TSPAN5: variants seen among roughly 807,000 people sequenced by gnomAD.
TSPAN5 encodes the protein tetraspanin-5.
TSPAN5 carries 10 observed loss-of-function variants against 37.1 expected under a neutral mutation model. The ratio of observed to expected loss-of-function variants is 0.27; its 90% CI spans 0.17 to 0.46. TSPAN5 has a LOEUF of 0.46. TSPAN5 is among the 20% of genes least tolerant of loss of function. TSPAN5 has a pLI of 1.00. For missense variants in TSPAN5, 195 were observed against 326.6 expected (o/e 0.60, Z 3.11); for synonymous variants, 110 against 118.9 (o/e 0.93, Z 0.48).
intron 2 of TSPAN5, among the ~76,000 whole-genome samples, chr4:98,499,747 G>A (rs1434263108): frequency 5.8e-5 from 8 of 138,802 alleles, no homozygotes; most frequent in Non-Finnish European, 6.0e-5. Flanking sequence ...TGCAAGCTCC[G>A]CCTCCTGGGT....
chr4:98,476,590 T>C, intron 5 of TSPAN5, 130 bp from the exon 6 acceptor site: 1 of 765,458 alleles, frequency 1.3e-6, no homozygotes, highest in South Asian at 1.6e-5. Context: ...TGCAGCACTA[T>C]GTTAAACACT....
At chr4:98,510,653 A>G (rs1753583308) in intron 1 of TSPAN5, among the ~76,000 whole-genome samples, 1 of 152,208 alleles carries the variant, frequency 6.6e-6, no homozygotes, top group Admixed American at 6.5e-5. Flanking sequence ...AAAAGTAGGG[A>G]TTTAAAGAAG....
intron 1 of TSPAN5, among the ~76,000 whole-genome samples, chr4:98,653,048 C>T (rs144370251): frequency 4.0e-4 from 61 of 152,302 alleles, no homozygotes; most frequent in African/African-American, 1.3e-3. Context: ...CCATATGACA[C>T]TTTCATAACC....
intron 4 of TSPAN5, among the ~76,000 whole-genome samples, chr4:98,479,512 A>C (rs1266766787): frequency 1.3e-5 from 2 of 152,184 alleles, no homozygotes; most frequent in East Asian, 3.8e-4. Context: ...CTATCCCAGA[A>C]AAGCAGATGT....
At chr4:98,550,202 G>T (rs373726760) in intron 1 of TSPAN5, among the ~76,000 whole-genome samples, 1 of 152,200 alleles carries the variant, frequency 6.6e-6, no homozygotes, top group East Asian at 1.9e-4. Context: ...TAGATATGTG[G>T]CTTTATTTTT....
At chr4:98,587,247 G>A (rs899451179) in intron 1 of TSPAN5, among the ~76,000 whole-genome samples, 5 of 152,222 alleles carry the variant, frequency 3.3e-5, no homozygotes, top group African/African-American at 9.6e-5. Context: ...AGCACTGTGT[G>A]TGCCAGTGAT....
chr4:98,486,768 C>T lies in TSPAN5; in HGVS notation c.249G>A (p.Ala83=), dbSNP rs200338966. The T allele has an allele frequency of 9.3e-6, 15 of 1,613,940 alleles. No individual in the cohort carries two copies. The highest frequency in any genetic ancestry group is 4.0e-5 in the African/African-American group (3 of 74,964). ...TGAGAAGGAAAGTGTTTTCCCGTAG[C>T]GCTCCAATGCACCCTGCAAATCCCA... is the stretch of plus-strand genomic sequence containing the variant. The part of the protein sequence containing the change: ...FILGFAGCIG[A]LRENTFLLKF... The change falls in exon 3 of 8, where the codon GCG becomes GCA. Residue 83 remains alanine, a synonymous_variant. Coordinates refer to ENST00000305798, the MANE Select transcript of TSPAN5 (RefSeq NM_005723.4).
rs905354311 is a variant in TSPAN5, at chr4:98,514,510, C to T, written c.82-6782G>A. On this transcript the variant is annotated intron_variant, in intron 1 of 7. Transcript: ENST00000305798. The stretch of plus-strand genomic sequence containing the variant: ...GTCAATCCCAGTTTTCCCATTGGGT[C>T]CCCGTGTCCCAGTTTGTACATTCAA... Among the ~76,000 whole-genome samples, 4 of 152,138 alleles carry T rather than the reference C, an allele frequency of 2.6e-5. No homozygotes were observed. The East Asian group carries it at 5.8e-4, about 22-fold the overall frequency.
intron 1 of TSPAN5, among the ~76,000 whole-genome samples, chr4:98,529,287 G>C (rs1270369836): frequency 1.3e-5 from 2 of 152,220 alleles, no homozygotes; most frequent in Admixed American, 1.3e-4. Flanking sequence ...ACTAAAGCAT[G>C]TGCCCTCGAA....
At chr4:98,580,366 C>T (rs192695372) in intron 1 of TSPAN5, among the ~76,000 whole-genome samples, 9 of 152,262 alleles carry the variant, frequency 5.9e-5, no homozygotes, top group African/African-American at 1.9e-4. Flanking sequence ...TCTATCCCAG[C>T]GAGGCAAGTT....
chr4:98,571,332 G>T (rs924440908), intron 1 of TSPAN5, among the ~76,000 whole-genome samples: 17 of 152,088 alleles, frequency 1.1e-4, no homozygotes, highest in Non-Finnish European at 2.5e-4. Flanking sequence ...CTGCTGGCGG[G>T]GAGGAGGGAG....
intron 1 of TSPAN5, among the ~76,000 whole-genome samples, chr4:98,514,196 C>T (rs1045276787): frequency 6.6e-5 from 10 of 152,232 alleles, no homozygotes; most frequent in African/African-American, 2.4e-4. Context: ...AGGAGAAATG[C>T]ATTTAAAAAT....
intron 1 of TSPAN5, among the ~76,000 whole-genome samples, chr4:98,535,836 C>T (rs958729476): frequency 6.6e-6 from 1 of 152,114 alleles, no homozygotes; most frequent in Admixed American, 6.5e-5. Flanking sequence ...GCTGTTGATA[C>T]TTGTATATGC....
intron 1 of TSPAN5, among the ~76,000 whole-genome samples, chr4:98,521,845 G>GT (rs70955934): frequency 0.4 from 60,634 of 151,650 alleles, 12,481 homozygotes; most frequent in South Asian, 0.54. Flanking sequence ...TGTGGGTTCT[G>GT]TTTTTTTTGT....
intron 1 of TSPAN5, among the ~76,000 whole-genome samples, chr4:98,609,800 C>T (rs902176568): frequency 6.6e-6 from 1 of 152,166 alleles, no homozygotes; most frequent in African/African-American, 2.4e-5. Context: ...CCCAGAAAGG[C>T]AGGTCTGGGA....
chr4:98,583,852 A>C (rs1445546551), intron 1 of TSPAN5, among the ~76,000 whole-genome samples: 1 of 152,144 alleles, frequency 6.6e-6, no homozygotes, highest in Non-Finnish European at 1.5e-5. Flanking sequence ...GATTGCTATT[A>C]TTCATTGCTT....
chr4:98,608,870 C>G (rs1364354248), intron 1 of TSPAN5, among the ~76,000 whole-genome samples: 1 of 152,192 alleles, frequency 6.6e-6, no homozygotes, highest in Non-Finnish European at 1.5e-5. Context: ...TTCGTTTCTT[C>G]TTTTCCCCAC....
At chr4:98,509,399 G>GAAAGAA (rs1182333880) in intron 1 of TSPAN5, among the ~76,000 whole-genome samples, 1 of 152,198 alleles carries the variant, frequency 6.6e-6, no homozygotes, top group African/African-American at 2.4e-5. Context: ...GGCAGGAGCA[G>GAAAGAA]AAAGAAAAGG....
intron 2 of TSPAN5, among the ~76,000 whole-genome samples, chr4:98,505,690 G>C (rs1753462959): frequency 6.6e-6 from 1 of 152,202 alleles, no homozygotes; most frequent in Non-Finnish European, 1.5e-5. Flanking sequence ...AGCTCCATGA[G>C]GCATGGACTC....
Sources: gnomAD v4.1 joint callset for allele counts (sites outside exome capture counted in the v4.1 genomes callset) on GRCh38, gnomAD v4.1.1 for gene constraint, MANE v1.5 for transcripts, NCBI Gene and HGNC (gene_info 2026-07-23, HGNC 2026-07-21) for gene names.